The following CAMK1D variants were observed in gnomAD, a reference collection of about 807,000 sequenced individuals.
The protein encoded by CAMK1D is calcium/calmodulin dependent protein kinase ID, also known as calcium/calmodulin-dependent protein kinase type 1D.
CAMK1D carries 9 observed loss-of-function variants against 47.7 expected under a neutral mutation model. The ratio of observed to expected loss-of-function variants is 0.19; its 90% CI spans 0.11 to 0.33. The LOEUF (loss-of-function observed/expected upper bound fraction) is 0.33, where lower values mean the gene tolerates loss of function less well. CAMK1D is among the 10% of genes least tolerant of loss of function. The pLI, the probability that CAMK1D is intolerant of heterozygous loss-of-function variation, is 1.00. For missense variants in CAMK1D, 291 were observed against 488.7 expected, an observed-to-expected ratio of 0.60 and a Z score of 3.81; for synonymous variants, 184 against 184.9, an observed-to-expected ratio of 0.99 and a Z score of 0.04.
intron 2 of CAMK1D, among the ~76,000 whole-genome samples, chr10:12,573,567 G>T (rs1217642838): frequency 6.6e-6 from 1 of 152,124 alleles, no homozygotes; most frequent in Admixed American, 6.6e-5. Flanking sequence ...GTTTTCACTC[G>T]ATAGACTGTG....
Position 12,524,166 on chromosome 10 carries a change from G to A in CAMK1D, c.93-29059G>A, listed in dbSNP as rs887547224. On this transcript the variant is annotated intron_variant, in intron 1 of 10. Transcript: ENST00000619168. ...TTTTTTAGTAGAGACAGGGTTTCAC[G>A]TTGTTAGCCAGGATGGTCTTGATCT... Among the ~76,000 whole-genome samples the A allele has an allele frequency of 5.3e-5, 8 of 151,414 alleles. 1 individual carries two copies. In the South Asian group the frequency reaches 1.3e-3, roughly 24 times the overall value.
intron 1 of CAMK1D, among the ~76,000 whole-genome samples, chr10:12,531,473 C>T (rs976546764): frequency 1.3e-5 from 2 of 152,164 alleles, no homozygotes; most frequent in African/African-American, 4.8e-5. Context: ...AACATACTGT[C>T]TGTGAACAAA....
chr10:12,687,064 G>A (rs765920102), intron 3 of CAMK1D, among the ~76,000 whole-genome samples: 2 of 152,142 alleles, frequency 1.3e-5, no homozygotes, highest in African/African-American at 4.8e-5. Context: ...TCTGTAGAGA[G>A]ATATGATTGA....
chr10:12,681,990 T>C (rs1250496695), intron 3 of CAMK1D, among the ~76,000 whole-genome samples: 1 of 152,166 alleles, frequency 6.6e-6, no homozygotes, highest in Non-Finnish European at 1.5e-5. Flanking sequence ...GAGGCCCAGG[T>C]GGGCAGATCA....
At chr10:12,780,601 C>T (rs1837451268) in intron 5 of CAMK1D, among the ~76,000 whole-genome samples, 1 of 152,156 alleles carries the variant, frequency 6.6e-6, no homozygotes, top group Non-Finnish European at 1.5e-5. Flanking sequence ...TTTCATCTTT[C>T]CCCATAGCGC....
chr10:12,497,974 A>G (rs778114507), intron 1 of CAMK1D, among the ~76,000 whole-genome samples: 2 of 152,220 alleles, frequency 1.3e-5, no homozygotes, highest in Non-Finnish European at 2.9e-5. Context: ...CACATCTTCC[A>G]TGGTAGCAGG....
chr10:12,714,555 TA>T (rs1834047655), intron 3 of CAMK1D, among the ~76,000 whole-genome samples: 1 of 151,952 alleles, frequency 6.6e-6, no homozygotes, highest in Non-Finnish European at 1.5e-5. Flanking sequence ...CCTGTCTCAC[TA>T]AAAATACAAA....
intron 6 of CAMK1D, among the ~76,000 whole-genome samples, chr10:12,801,547 A>G (rs1019121462): frequency 2.6e-5 from 4 of 151,314 alleles, no homozygotes; most frequent in Admixed American, 2.6e-4. Flanking sequence ...CCTTCCATCC[A>G]CCCATCCATC....
At chr10:12,823,553 C>G (rs376699685) in intron 8 of CAMK1D, among the ~76,000 whole-genome samples, 1 of 151,484 alleles carries the variant, frequency 6.6e-6, no homozygotes, top group Non-Finnish European at 1.5e-5. Context: ...TATTGTGAGC[C>G]GAGAGAGAGG....
chr10:12,736,516 T>C (rs188627485), intron 3 of CAMK1D, among the ~76,000 whole-genome samples: 15 of 152,382 alleles, frequency 9.8e-5, no homozygotes, highest in Admixed American at 2.6e-4. Context: ...CCTTGAAAGT[T>C]TTCTGGCACT....
At chr10:12,569,769 C>T (rs1297569195) in intron 2 of CAMK1D, among the ~76,000 whole-genome samples, 2 of 145,108 alleles carry the variant, frequency 1.4e-5, no homozygotes, top group Non-Finnish European at 3.0e-5. Context: ...TATTACAAAA[C>T]TTACCTAGGA....
chr10:12,548,235 C>T (rs1836460922), intron 1 of CAMK1D, among the ~76,000 whole-genome samples: 1 of 152,084 alleles, frequency 6.6e-6, no homozygotes, highest in African/African-American at 2.4e-5. Flanking sequence ...ATGCCAAAGT[C>T]CTTTGTAAAT....
In CAMK1D at chr10:12,675,515, A is replaced by G. The variant is rs1490738142; in HGVS notation, c.299+8705A>G. ...GACTTATCCTTTTCTCTTATACCCA[A>G]CAATCCCATCCCTTGGCAAATCCTG... On this transcript the variant is annotated intron_variant, in intron 3 of 10. Transcript: ENST00000619168. 2.6e-5 allele frequency among the ~76,000 whole-genome samples: 4 copies of G among 152,172 alleles called. No homozygotes were observed. The East Asian group carries it at 5.8e-4, about 22-fold the overall frequency.
At chr10:12,816,490 T>C (rs977743567) in intron 8 of CAMK1D, among the ~76,000 whole-genome samples, 162 bp downstream of exon 8, 7 of 152,048 alleles carry the variant, frequency 4.6e-5, no homozygotes, top group Admixed American at 4.6e-4. Context: ...AAGCCAACAT[T>C]TGAACTCTTG....
At chr10:12,542,918 G>C (rs1017431199) in intron 1 of CAMK1D, among the ~76,000 whole-genome samples, 1 of 152,072 alleles carries the variant, frequency 6.6e-6, no homozygotes, top group Non-Finnish European at 1.5e-5. Flanking sequence ...GCTCATTTTT[G>C]TATTTTAGGT....
Position 12,436,001 on chromosome 10 carries a change from C to T in CAMK1D, c.92+86091C>T, listed in dbSNP as rs113414089. Reference sequence around the variant, plus strand: ...GTGGTGGGGACAGTCGGGAATGAGTCTTAGGCTGTCCAGCTCTGAGCTGTG... The same window carrying T: ...GTGGTGGGGACAGTCGGGAATGAGTTTTAGGCTGTCCAGCTCTGAGCTGTG... On this transcript the variant is annotated intron_variant, in intron 1 of 10. Transcript: ENST00000619168. Among the ~76,000 whole-genome samples the T allele has an allele frequency of 5.1e-3, 774 of 152,302 alleles. 9 individuals are homozygous for T. The highest frequency in any genetic ancestry group is 0.017 in the African/African-American group (711 of 41,578).
At chr10:12,719,170 G>A (rs1685370267) in intron 3 of CAMK1D, among the ~76,000 whole-genome samples, 1 of 152,160 alleles carries the variant, frequency 6.6e-6, no homozygotes, top group African/African-American at 2.4e-5. Context: ...ACTTTGGGAG[G>A]CTGAGGCGGG....
Position 12,718,536 on chromosome 10 carries a change from G to C in CAMK1D, c.300-42412G>C, listed in dbSNP as rs374756473. 1.4e-4 allele frequency among the ~76,000 whole-genome samples: 22 copies of C among 152,228 alleles called. 1 individual carries two copies. Among genetic ancestry groups the C allele is most frequent in the Admixed American group, 7.8e-4 (12 of 15,298 alleles). On this transcript the variant is annotated intron_variant, in intron 3 of 10. Coordinates refer to ENST00000619168, the MANE Select transcript of CAMK1D (RefSeq NM_153498.4). The stretch of plus-strand genomic sequence containing the variant: ...CTTAGGTTTAAAAATCTCCACCTGG[G>C]GGAAATAAATGGACTTTTCCCGAGT...
chr10:12,779,529 A>G (rs1268229866), intron 5 of CAMK1D, among the ~76,000 whole-genome samples: 2 of 152,134 alleles, frequency 1.3e-5, no homozygotes, highest in African/African-American at 4.8e-5. Context: ...CCCTGGGCTC[A>G]GGTGATCCTC....
Sources: gnomAD v4.1 joint callset for allele counts (sites outside exome capture counted in the v4.1 genomes callset) on GRCh38, gnomAD v4.1.1 for gene constraint, MANE v1.5 for transcripts, NCBI Gene and HGNC (gene_info 2026-07-23, HGNC 2026-07-21) for gene names.